Variants in MAF observed in about 807,000 individuals in gnomAD.
MAF encodes transcription factor Maf.
MAF carries 10 observed loss-of-function variants against 22.0 expected under a neutral mutation model. The ratio of observed to expected loss-of-function variants is 0.45; its 90% CI spans 0.28 to 0.77. The LOEUF (loss-of-function observed/expected upper bound fraction) is 0.77. Among genes scored for constraint, MAF ranks in the 30% least tolerant of loss-of-function variants. The pLI, the probability that MAF is intolerant of heterozygous loss-of-function variation, is 0.12. For synonymous variants in MAF, 337 were observed against 255.8 expected (o/e 1.32, Z -3.03); for missense variants, 544 against 548.4 (o/e 0.99, Z 0.08).
chr16:79,505,723 G>T, the MAF span: 7 of 152,292 alleles, frequency 4.6e-5, no homozygotes, highest in African/African-American at 1.7e-4. Context: ...GGCGACTGGG[G>T]TCTACATCTT....
the MAF span, among the ~76,000 whole-genome samples, chr16:79,335,872 G>C: frequency 2.6e-5 from 4 of 152,178 alleles, no homozygotes; most frequent in Non-Finnish European, 5.9e-5. Flanking sequence ...GAGACAGCCC[G>C]GTGAGGTTGG....
chr16:79,272,848 A>T, the MAF span, among the ~76,000 whole-genome samples: 1 of 151,974 alleles, frequency 6.6e-6, no homozygotes, highest in Admixed American at 6.6e-5. Flanking sequence ...TGGTCTTGGC[A>T]CCTGTTTGCC....
At chr16:79,280,516 C>T in the MAF span, among the ~76,000 whole-genome samples, 2 of 152,206 alleles carry the variant, frequency 1.3e-5, no homozygotes, top group African/African-American at 4.8e-5. Context: ...TGGGGGGCCA[C>T]CACCTAAACT....
chr16:79,475,216 ACT>A, the MAF span, among the ~76,000 whole-genome samples: 1 of 152,048 alleles, frequency 6.6e-6, no homozygotes, highest in East Asian at 1.9e-4. Context: ...CGTTGCTAAC[ACT>A]CTGCCAGGTA....
chr16:79,563,598 T>G, the MAF span, among the ~76,000 whole-genome samples: 22 of 152,218 alleles, frequency 1.4e-4, no homozygotes, highest in African/African-American at 5.1e-4. Flanking sequence ...TTATGGCATT[T>G]AAAATAATAT....
the MAF span, among the ~76,000 whole-genome samples, chr16:79,363,448 A>C: frequency 7.2e-5 from 11 of 152,362 alleles, no homozygotes; most frequent in Non-Finnish European, 1.2e-4. Context: ...ATCTAACACA[A>C]AACCAATTGT....
chr16:79,233,911 G>C, the MAF span, among the ~76,000 whole-genome samples: 59 of 150,794 alleles, frequency 3.9e-4, no homozygotes, highest in African/African-American at 1.0e-3. Flanking sequence ...AGAATCCCTT[G>C]AATATGGGAG....
At chr16:79,399,641 G>T in the MAF span, among the ~76,000 whole-genome samples, 1 of 152,064 alleles carries the variant, frequency 6.6e-6, no homozygotes, top group African/African-American at 2.4e-5. Flanking sequence ...GATAGAAGAG[G>T]GTAGAAAGAA....
chr16:79,210,787 G>A, the MAF span, among the ~76,000 whole-genome samples: 1 of 152,092 alleles, frequency 6.6e-6, no homozygotes, highest in Non-Finnish European at 1.5e-5. Flanking sequence ...CAGTTTGGAT[G>A]ATATGATGCC....
chr16:79,383,026 C>T, the MAF span, among the ~76,000 whole-genome samples: 5 of 152,312 alleles, frequency 3.3e-5, no homozygotes, highest in East Asian at 9.6e-4. Context: ...TACACTATTT[C>T]AGTTGCTTCA....
the MAF span, among the ~76,000 whole-genome samples, chr16:79,569,859 G>A: frequency 6.6e-6 from 1 of 152,156 alleles, no homozygotes; most frequent in Non-Finnish European, 1.5e-5. Flanking sequence ...GGAGGCAGGG[G>A]TCAAAGTAAA....
the MAF span, among the ~76,000 whole-genome samples, chr16:79,340,896 G>A: frequency 6.6e-6 from 1 of 152,136 alleles, no homozygotes; most frequent in Non-Finnish European, 1.5e-5. Context: ...TGCTAAGTGG[G>A]TATGATACAC....
the MAF span, among the ~76,000 whole-genome samples, chr16:79,303,035 T>G: frequency 1.3e-5 from 2 of 152,204 alleles, no homozygotes; most frequent in South Asian, 2.1e-4. Flanking sequence ...CAAACATGCT[T>G]TTATCTGAAA....
chr16:79,536,931 C>T, the MAF span, among the ~76,000 whole-genome samples: 2 of 152,156 alleles, frequency 1.3e-5, no homozygotes, highest in Admixed American at 1.3e-4. Flanking sequence ...AACCAATTAC[C>T]TCACAGATAC....
At chr16:79,453,030 G>A in the MAF span, among the ~76,000 whole-genome samples, 1 of 152,170 alleles carries the variant, frequency 6.6e-6, no homozygotes, top group Non-Finnish European at 1.5e-5. Context: ...GCTAGCTGTT[G>A]ACAGATGGCT....
chr16:79,424,435 C>A, the MAF span, among the ~76,000 whole-genome samples: 1 of 152,110 alleles, frequency 6.6e-6, no homozygotes, highest in Non-Finnish European at 1.5e-5. Context: ...ATGGCTTCTG[C>A]GGGCCTGGGC....
chr16:79,398,864 C>T, the MAF span, among the ~76,000 whole-genome samples: 1 of 152,206 alleles, frequency 6.6e-6, no homozygotes, highest in African/African-American at 2.4e-5. Flanking sequence ...GCATTCTCTG[C>T]CCCATTGCAG....
the MAF span, among the ~76,000 whole-genome samples, chr16:79,391,699 A>G: frequency 2.6e-5 from 4 of 152,130 alleles, no homozygotes; most frequent in African/African-American, 9.7e-5. Context: ...GGGCTTGATA[A>G]AGGGTGAGAG....
chr16:79,323,738 G>T, the MAF span, among the ~76,000 whole-genome samples: 6 of 152,180 alleles, frequency 3.9e-5, no homozygotes, highest in Non-Finnish European at 8.8e-5. Context: ...GGGCATCTGA[G>T]AGCAACATCT....
Sources: gnomAD v4.1 joint callset for allele counts (sites outside exome capture counted in the v4.1 genomes callset) on GRCh38, gnomAD v4.1.1 for gene constraint, MANE v1.5 for transcripts, NCBI Gene and HGNC (gene_info 2026-07-23, HGNC 2026-07-21) for gene names.